Variants in SSH2 observed in about 807,000 individuals in gnomAD.
SSH2 encodes protein phosphatase Slingshot homolog 2.
Under a neutral mutation model 135.2 loss-of-function variants are expected in SSH2, and 37 were observed. The observed-to-expected ratio is 0.27, with a 90% CI of 0.21 to 0.36. The LOEUF (loss-of-function observed/expected upper bound fraction) is 0.36. Among genes scored for constraint, SSH2 ranks in the 10% least tolerant of loss-of-function variants. The pLI is 1.00. For synonymous variants in SSH2, 628 were observed against 646.2 expected, an observed-to-expected ratio of 0.97 and a Z score of 0.43; for missense variants, 1,408 against 1,765.3, an observed-to-expected ratio of 0.80 and a Z score of 3.63.
intron 1 of SSH2, among the ~76,000 whole-genome samples, chr17:29,919,135 C>T (rs2066931846): frequency 6.6e-6 from 1 of 152,164 alleles, no homozygotes; most frequent in South Asian, 2.1e-4. Flanking sequence ...TCTACTTCTA[C>T]TGTAAGCTTC....
rs757866184 is a variant in SSH2 at position 29,668,286 on chromosome 17, C to T, written c.810-1063G>A. Among the ~76,000 whole-genome samples the T allele has an allele frequency of 5.9e-5, 9 of 152,348 alleles. No homozygotes were observed. In the East Asian group the frequency reaches 1.7e-3, roughly 29 times the overall value. On this transcript the variant is annotated intron_variant, in intron 9 of 15. Transcript: ENST00000540801. ...CTTGGACTCTTAATTTCTCATGAAC[C>T]CTACAGAATACAGCTAATACCTGAG...
chr17:29,912,195 T>C (rs561946087), intron 1 of SSH2, among the ~76,000 whole-genome samples: 54 of 152,302 alleles, frequency 3.5e-4, no homozygotes, highest in African/African-American at 1.2e-3. Context: ...AGAGCTACAA[T>C]AGCCATCTTT....
intron 4 of SSH2, among the ~76,000 whole-genome samples, chr17:29,696,287 T>C (rs940515648): frequency 2.7e-5 from 4 of 149,984 alleles, no homozygotes; most frequent in Non-Finnish European, 4.4e-5. Context: ...CGTATATATA[T>C]GTATATACAC....
intron 14 of SSH2, among the ~76,000 whole-genome samples, chr17:29,642,576 C>T (rs571689523): frequency 2.0e-5 from 3 of 152,070 alleles, no homozygotes; most frequent in Non-Finnish European, 4.4e-5. Context: ...CCACCCCCCC[C>T]ACCGCCTCTT....
At chr17:29,889,759 A>T (rs962988932) in intron 1 of SSH2, among the ~76,000 whole-genome samples, 4 of 148,766 alleles carry the variant, frequency 2.7e-5, no homozygotes, top group African/African-American at 5.0e-5. Context: ...TTTAAAAATG[A>T]GCAAAGGCCA....
At chr17:29,811,704 G>A (rs1476019365) in intron 2 of SSH2, among the ~76,000 whole-genome samples, 1 of 152,060 alleles carries the variant, frequency 6.6e-6, no homozygotes, top group East Asian at 1.9e-4. Flanking sequence ...AACTAGCTGG[G>A]ACTACAGGTG....
At chr17:29,837,163 A>G (rs868212502) in intron 2 of SSH2, among the ~76,000 whole-genome samples, 2 of 152,130 alleles carry the variant, frequency 1.3e-5, no homozygotes, top group South Asian at 4.2e-4. Context: ...AGGCTGAGGC[A>G]GGAGAATCAC....
chr17:29,889,037 T>C (rs1406303228), intron 1 of SSH2, among the ~76,000 whole-genome samples: 1 of 151,286 alleles, frequency 6.6e-6, no homozygotes, highest in East Asian at 1.9e-4. Flanking sequence ...TTGAGTTTAG[T>C]TTTCTTAAAA....
chr17:29,761,347 G>C, intron 3 of SSH2: 1 of 1,080,694 alleles, frequency 9.3e-7, no homozygotes, highest in South Asian at 2.1e-5. Flanking sequence ...CGCAGGCTGC[G>C]CGTGCACCCG....
At chr17:29,862,052 G>C (rs1372846454) in intron 1 of SSH2, among the ~76,000 whole-genome samples, 3 of 152,196 alleles carry the variant, frequency 2.0e-5, no homozygotes, top group African/African-American at 7.2e-5. Context: ...TTTCTGGAGA[G>C]GTGATGATTT....
intron 3 of SSH2, among the ~76,000 whole-genome samples, chr17:29,760,173 A>G (rs1598952875): frequency 6.6e-6 from 1 of 152,348 alleles, no homozygotes; most frequent in African/African-American, 2.4e-5. Flanking sequence ...ATCACCTTAC[A>G]TGCTATTCTC....
intron 14 of SSH2, 47 bp from the exon 15 acceptor site, chr17:29,636,849 TAATC>T: frequency 7.6e-7 from 1 of 1,320,210 alleles, no homozygotes. Context: ...TTTGTAAAGA[TAATC>T]AACACCCTCC....
At chr17:29,655,687 A>C in intron 11 of SSH2, 80 bp from the exon 12 acceptor site, 2 of 1,333,254 alleles carry the variant, frequency 1.5e-6, no homozygotes, top group Non-Finnish European at 1.1e-6. Context: ...GAGAAGAAGA[A>C]CTTTCAAAAA....
chr17:29,889,093 C>T (rs1017395821), intron 1 of SSH2, among the ~76,000 whole-genome samples: 5 of 151,356 alleles, frequency 3.3e-5, no homozygotes, highest in Non-Finnish European at 7.4e-5. Flanking sequence ...AAACAAATAC[C>T]ATATACAAAA....
chr17:29,807,832 C>CT (rs58284055), intron 2 of SSH2, among the ~76,000 whole-genome samples: 46,405 of 94,330 alleles, frequency 0.49, 11,996 homozygotes, highest in African/African-American at 0.59. Context: ...GTTTTGATGG[C>CT]TTTTTTTTTT....
intron 14 of SSH2, chr17:29,643,301 C>A: frequency 3.0e-6 from 3 of 985,202 alleles, no homozygotes; most frequent in Non-Finnish European, 3.6e-6. Flanking sequence ...AGCTATATAT[C>A]CAACAGCCAT....
chr17:29,743,912 T>C (rs1831992557), intron 3 of SSH2, among the ~76,000 whole-genome samples: 1 of 129,960 alleles, frequency 7.7e-6, no homozygotes, highest in Admixed American at 7.1e-5. Context: ...TTTTCCTTTT[T>C]TTTTTTTTTT....
intron 3 of SSH2, among the ~76,000 whole-genome samples, chr17:29,763,241 T>A (rs987005068): frequency 5.3e-5 from 8 of 152,136 alleles, no homozygotes; most frequent in African/African-American, 1.9e-4. Context: ...CTGAGATATC[T>A]GGTAATAGGA....
rs1189129564 is a variant in SSH2, at chr17:29,631,633, C to G, written c.3561G>C (p.Trp1187Cys). 2 of 1,614,186 alleles carry G rather than the reference C, an allele frequency of 1.2e-6. No individual in the cohort carries two copies. Among genetic ancestry groups the G allele is most frequent in the Admixed American group, 1.7e-5 (1 of 60,024 alleles). ...TDEPSAEQVS[W>C]EESQESPLSS... ...AGAGAGGGCTCTCCTGACTTTCTTC[C>G]CAGCTAACCTGTTCTGCAGAGGGCT... Residue 1187 changes from tryptophan (W) to cysteine (C), a missense_variant, in exon 16 of 16, where the codon TGG becomes TGC. By Grantham distance (215) the Trp-to-Cys change is radical (BLOSUM62 -2). Transcript: ENST00000540801.
Sources: gnomAD v4.1 joint callset for allele counts (sites outside exome capture counted in the v4.1 genomes callset) on GRCh38, gnomAD v4.1.1 for gene constraint, MANE v1.5 for transcripts, NCBI Gene and HGNC (gene_info 2026-07-23, HGNC 2026-07-21) for gene names.